ITGAV: variants seen among roughly 807,000 people sequenced by gnomAD.
The protein encoded by ITGAV is integrin subunit alpha V, also known as integrin alpha-V.
A neutral mutation model predicts 143.8 loss-of-function variants in ITGAV; 76 were observed. That is an observed-to-expected ratio of 0.53 (90% CI 0.44 to 0.64). ITGAV has a LOEUF of 0.64. Among genes scored for constraint, ITGAV ranks in the 30% least tolerant of loss-of-function variants. The pLI is 0.00. For missense variants in ITGAV, 1,193 were observed against 1,274.7 expected (o/e 0.94, Z 0.98); for synonymous variants, 453 against 446.7 (o/e 1.01, Z -0.18).
At chr2:186,599,931 T>C (rs903802184) in intron 1 of ITGAV, among the ~76,000 whole-genome samples, 4 of 152,214 alleles carry the variant, frequency 2.6e-5, no homozygotes, top group Non-Finnish European at 5.9e-5. Flanking sequence ...CAGATCACAC[T>C]CACCTGCTCC....
rs1041534483 is a variant in ITGAV at position 186,678,696 on chromosome 2, C to T, written c.*1404C>T. 3 of 455,210 alleles carry T rather than the reference C, an allele frequency of 6.6e-6. No individual in the cohort carries two copies. Among genetic ancestry groups the T allele is most frequent in the Admixed American group, 4.7e-5 (2 of 42,472 alleles). The allele number at this position is 455,210 out of a possible 1,614,324, so 28.2% of individuals were successfully genotyped here. A position where few individuals can be genotyped will look rare whatever the true frequency, so the allele number is the denominator to read the frequency against. ...GGAATATATGATTTATTCACAGTTC[C>T]TCAAGGCCTGGGGATGATGATCAGT... On this transcript the variant is annotated 3_prime_UTR_variant, in exon 30 of 30. Transcript: ENST00000261023.
intron 10 of ITGAV, among the ~76,000 whole-genome samples, 175 bp from the exon 11 acceptor site, chr2:186,640,740 G>A (rs1384743185): frequency 6.6e-6 from 1 of 151,974 alleles, no homozygotes. Flanking sequence ...AAAACAACAA[G>A]CCTCATTACC....
chr2:186,606,020 T>C (rs139333062), intron 2 of ITGAV, among the ~76,000 whole-genome samples: 1 of 152,060 alleles, frequency 6.6e-6, no homozygotes, highest in Non-Finnish European at 1.5e-5. Context: ...CAAATGGTGT[T>C]TATTTGAATG....
rs940396177 is a variant in ITGAV at position 186,667,343 on chromosome 2, A to G, written c.2327+113A>G. The G allele has an allele frequency of 1.9e-5, 14 of 736,764 alleles. No individual in the cohort carries two copies. In the Admixed American group the frequency reaches 3.7e-4, roughly 20 times the overall value. The allele number at this position is 736,764 out of a possible 1,614,324, so 45.6% of individuals were successfully genotyped here. ...ACCCTGCATGTTTAGTGGTGGTTTT[A>G]CTAGGGCATTAGCTTCTGTAGAAAT... is the stretch of plus-strand genomic sequence containing the variant. On this transcript the variant is annotated intron_variant, in intron 23 of 29. Transcript: ENST00000261023.
In ITGAV at chr2:186,679,442, A is replaced by C. The variant is rs1329522886; in HGVS notation, c.*2150A>C. The C allele has an allele frequency of 1.3e-5, 2 of 152,008 alleles. No individual in the cohort carries two copies. Among genetic ancestry groups the C allele is most frequent in the Non-Finnish European group, 2.9e-5 (2 of 67,878 alleles). The allele number at this position is 152,008 out of a possible 1,614,324, so 9.4% of individuals were successfully genotyped here. On this transcript the variant is annotated 3_prime_UTR_variant, in exon 30 of 30. Coordinates refer to ENST00000261023, the MANE Select transcript of ITGAV (RefSeq NM_002210.5). The stretch of plus-strand genomic sequence containing the variant: ...AAAAAATGAACATTTATATATCTAC[A>C]AAAATATGGAGAAGAGTAATTTGAA...
rs749511587 is a variant in ITGAV at position 186,668,785 on chromosome 2, A to T, written c.2457A>T (p.Ser819=). Residue 819 remains serine, a synonymous_variant, in exon 25 of 30, where the codon TCA becomes TCT. Transcript: ENST00000261023. ...IYELRNNGPS[S]FSKAMLHLQW... ...AGCTGAGAAACAATGGTCCAAGTTC[A>T]TTCAGCAAGGCAATGCTCCATCTTC... 6.2e-7 allele frequency: 1 copy of T among 1,613,552 alleles called. No homozygotes were observed.
chr2:186,601,915 A>G (rs1014983815), intron 1 of ITGAV, 106 bp from the exon 2 acceptor site: 2 of 1,210,074 alleles, frequency 1.7e-6, no homozygotes, highest in East Asian at 2.5e-5. Flanking sequence ...TGGTTTTAAA[A>G]AATATTTATA....
At chr2:186,611,181 C>T (rs955967410) in intron 2 of ITGAV, among the ~76,000 whole-genome samples, 3 of 152,068 alleles carry the variant, frequency 2.0e-5, no homozygotes, top group African/African-American at 7.2e-5. Flanking sequence ...GCCCCCCGAC[C>T]CTTGTGATTA....
intron 17 of ITGAV, among the ~76,000 whole-genome samples, chr2:186,658,192 A>G (rs988386754): frequency 1.3e-5 from 2 of 152,174 alleles, no homozygotes; most frequent in South Asian, 2.1e-4. Flanking sequence ...TACCACATGA[A>G]TAGATTAAAG....
At chr2:186,668,636 G>T (rs556133125) in intron 24 of ITGAV, 126 bp from the exon 25 acceptor site, 2 of 759,634 alleles carry the variant, frequency 2.6e-6, no homozygotes, top group East Asian at 5.3e-5. Context: ...GTAATTAGAG[G>T]TTAACTGTGG....
chr2:186,655,531 A>G (rs911439591), intron 16 of ITGAV, among the ~76,000 whole-genome samples: 7 of 152,244 alleles, frequency 4.6e-5, no homozygotes, highest in Non-Finnish European at 7.3e-5. Context: ...AGAACAGAAC[A>G]TGAAGCAAAA....
intron 2 of ITGAV, among the ~76,000 whole-genome samples, chr2:186,603,121 A>G (rs146515464): frequency 6.6e-6 from 1 of 152,300 alleles, no homozygotes; most frequent in African/African-American, 2.4e-5. Context: ...GTACGCATTT[A>G]TATTGGTATA....
chr2:186,656,402 G>A lies in ITGAV; in HGVS notation c.1719+1G>A. 1 of 1,479,582 alleles carries A rather than the reference G, an allele frequency of 6.8e-7. No individual in the cohort carries two copies. Among genetic ancestry groups the A allele is most frequent in the Non-Finnish European group, 8.9e-7 (1 of 1,119,816 alleles). 91.7% of individuals were successfully genotyped at this position (1,479,582 alleles called of 1,614,324 possible). The stretch of plus-strand genomic sequence containing the variant: ...TGAGGAATTGATAGCGTATCTGCGG[G>A]TAAGAGCTAACTTTTCTGCTACCTT... On this transcript the variant is annotated splice_donor_variant, in intron 17 of 29. Coordinates refer to ENST00000261023, the MANE Select transcript of ITGAV (RefSeq NM_002210.5). LOFTEE classifies it high-confidence loss of function.
intron 1 of ITGAV, among the ~76,000 whole-genome samples, chr2:186,593,309 TAATG>T (rs1175362851): frequency 6.6e-6 from 1 of 152,152 alleles, no homozygotes; most frequent in African/African-American, 2.4e-5. Flanking sequence ...TTGTGAAAAT[TAATG>T]AATCAATATT....
chr2:186,595,484 C>T (rs1375460536), intron 1 of ITGAV, among the ~76,000 whole-genome samples: 3 of 152,124 alleles, frequency 2.0e-5, no homozygotes, highest in Admixed American at 6.5e-5. Context: ...ATACCTCTCC[C>T]TCTGTATCGC....
chr2:186,653,841 G>A (rs1688509097), intron 15 of ITGAV, among the ~76,000 whole-genome samples: 1 of 152,076 alleles, frequency 6.6e-6, no homozygotes, highest in East Asian at 1.9e-4. Context: ...ATTAAATCAA[G>A]CATTTCAGAA....
chr2:186,672,388 A>G (rs1689091909), intron 26 of ITGAV, among the ~76,000 whole-genome samples: 1 of 152,204 alleles, frequency 6.6e-6, no homozygotes, highest in African/African-American at 2.4e-5. Flanking sequence ...ACATTGATGC[A>G]TAAATTTCCA....
At position 186,653,070 on chromosome 2, in the gene ITGAV, C is replaced by T. The variant is rs1042323677; in HGVS notation, c.1505+981C>T. 2.6e-5 allele frequency among the ~76,000 whole-genome samples: 4 copies of T among 151,526 alleles called. No individual in the cohort carries two copies. In the South Asian group the frequency reaches 6.2e-4, roughly 24 times the overall value. On this transcript the variant is annotated intron_variant, in intron 15 of 29. Coordinates refer to ENST00000261023, the MANE Select transcript of ITGAV (RefSeq NM_002210.5). ...ACGCCATTCTCCTGCCTCAGCCTCC[C>T]GAGTAGCTGGGACTACAGGCGCCCA...
At chr2:186,600,236 T>C in intron 1 of ITGAV, 2 of 1,101,626 alleles carry the variant, frequency 1.8e-6, no homozygotes. Flanking sequence ...AATTCTTTCT[T>C]GCCAGGGTCT....
Sources: allele counts gnomAD v4.1 joint callset (sites outside exome capture counted in the v4.1 genomes callset), GRCh38; gene constraint gnomAD v4.1.1; transcripts MANE v1.5; gene names NCBI Gene and HGNC (gene_info 2026-07-23, HGNC 2026-07-21).